The following CTNNA3 variants were observed in gnomAD, a reference collection of about 807,000 sequenced individuals.
CTNNA3 encodes catenin alpha-3.
CTNNA3 carries 76 observed loss-of-function variants against 95.7 expected under a neutral mutation model. The ratio of observed to expected loss-of-function variants is 0.79; its 90% CI spans 0.66 to 0.96. The LOEUF is 0.96. Among genes scored for constraint, CTNNA3 ranks in the 40% least tolerant of loss-of-function variants. The pLI is 0.00. For missense variants in CTNNA3, 1,191 were observed against 1,089.8 expected (o/e 1.09, Z -1.31); for synonymous variants, 431 against 374.4 (o/e 1.15, Z -1.74).
At chr10:66,211,696 GC>G (rs2088165567) in intron 13 of CTNNA3, among the ~76,000 whole-genome samples, 1 of 152,130 alleles carries the variant, frequency 6.6e-6, no homozygotes, top group Admixed American at 6.5e-5. Context: ...AAACAGGCTG[GC>G]CCAAGAGGGC....
intron 5 of CTNNA3, among the ~76,000 whole-genome samples, chr10:67,288,996 A>T (rs541311209): frequency 6.6e-6 from 1 of 152,270 alleles, no homozygotes; most frequent in Admixed American, 6.5e-5. Flanking sequence ...TGATTTACAA[A>T]TTTTTTATCA....
intron 13 of CTNNA3, among the ~76,000 whole-genome samples, chr10:66,148,326 T>C (rs1464032317): frequency 1.3e-5 from 2 of 152,266 alleles, no homozygotes; most frequent in Admixed American, 1.3e-4. Flanking sequence ...ACCACAAAAA[T>C]GTTGCACAAA....
At chr10:66,266,596 C>T (rs2091164747) in intron 13 of CTNNA3, among the ~76,000 whole-genome samples, 1 of 151,988 alleles carries the variant, frequency 6.6e-6, no homozygotes, top group Non-Finnish European at 1.5e-5. Flanking sequence ...CTCAATGAGT[C>T]CCTGAAACTG....
intron 11 of CTNNA3, among the ~76,000 whole-genome samples, chr10:66,512,792 T>G (rs1184981464): frequency 6.6e-6 from 1 of 152,096 alleles, no homozygotes; most frequent in African/African-American, 2.4e-5. Flanking sequence ...TAGTTGAAAG[T>G]TTTTTCTTTT....
intron 1 of CTNNA3, among the ~76,000 whole-genome samples, chr10:67,648,560 G>C (rs950752448): frequency 2.6e-5 from 4 of 151,994 alleles, no homozygotes; most frequent in Non-Finnish European, 5.9e-5. Flanking sequence ...CCACTTACAG[G>C]GTGGCTACAA....
chr10:67,468,235 A>G (rs1374480841), intron 5 of CTNNA3, among the ~76,000 whole-genome samples: 1 of 151,846 alleles, frequency 6.6e-6, no homozygotes, highest in African/African-American at 2.4e-5. Context: ...TAGGTTAATA[A>G]AGTAGGGAAT....
intron 11 of CTNNA3, among the ~76,000 whole-genome samples, chr10:66,454,272 G>C (rs1483888121): frequency 6.6e-6 from 1 of 152,106 alleles, no homozygotes; most frequent in Non-Finnish European, 1.5e-5. Flanking sequence ...AAACAACTAA[G>C]ACTGTAACTT....
At chr10:67,253,026 T>A (rs1210976977) in intron 5 of CTNNA3, among the ~76,000 whole-genome samples, 1 of 152,212 alleles carries the variant, frequency 6.6e-6, no homozygotes, top group African/African-American at 2.4e-5. Flanking sequence ...TTTTCCTTAC[T>A]AATTCAAGAA....
intron 4 of CTNNA3, among the ~76,000 whole-genome samples, chr10:67,532,772 G>A (rs553552694): frequency 2.0e-5 from 3 of 152,184 alleles, no homozygotes; most frequent in Non-Finnish European, 4.4e-5. Flanking sequence ...AGTAATTTAT[G>A]TCATATATCA....
At chr10:66,435,973 A>G (rs1380432375) in intron 11 of CTNNA3, among the ~76,000 whole-genome samples, 1 of 152,152 alleles carries the variant, frequency 6.6e-6, no homozygotes, top group African/African-American at 2.4e-5. Context: ...GTTTCCATGT[A>G]GTTGTGCGGT....
At chr10:67,575,888 C>T (rs1842126222) in intron 3 of CTNNA3, among the ~76,000 whole-genome samples, 1 of 152,086 alleles carries the variant, frequency 6.6e-6, no homozygotes, top group South Asian at 2.1e-4. Context: ...TGGAGAAAGA[C>T]TTGATTAAAA....
At chr10:66,271,005 G>C (rs1054151793) in intron 13 of CTNNA3, among the ~76,000 whole-genome samples, 2 of 152,092 alleles carry the variant, frequency 1.3e-5, no homozygotes, top group Non-Finnish European at 2.9e-5. Context: ...GAGTCTAAAG[G>C]CTCCCATGGT....
intron 9 of CTNNA3, among the ~76,000 whole-genome samples, chr10:66,659,956 A>G (rs1846203435): frequency 6.6e-6 from 1 of 152,074 alleles, no homozygotes; most frequent in Non-Finnish European, 1.5e-5. Flanking sequence ...GAGTCAAAAT[A>G]TCATTATGAC....
intron 11 of CTNNA3, among the ~76,000 whole-genome samples, chr10:66,487,422 C>T (rs1051953265): frequency 6.6e-5 from 10 of 151,606 alleles, no homozygotes; most frequent in Admixed American, 2.0e-4. Context: ...AGGATGGTCT[C>T]GATCTCCTGA....
chr10:66,161,697 T>C (rs1018619090), intron 13 of CTNNA3, among the ~76,000 whole-genome samples: 1 of 152,242 alleles, frequency 6.6e-6, no homozygotes, highest in Non-Finnish European at 1.5e-5. Context: ...CTTTTTACGA[T>C]GAATTTCTCA....
At chr10:67,723,677 G>A (rs1841192606) in intron 1 of CTNNA3, among the ~76,000 whole-genome samples, 1 of 152,040 alleles carries the variant, frequency 6.6e-6, no homozygotes, top group South Asian at 2.1e-4. Context: ...ATGCTTTTTG[G>A]TCCACTTTCA....
At chr10:67,695,433 C>G (rs937911521) in intron 1 of CTNNA3, among the ~76,000 whole-genome samples, 1 of 151,878 alleles carries the variant, frequency 6.6e-6, no homozygotes, top group Non-Finnish European at 1.5e-5. Context: ...TCATTCCATA[C>G]AGTGATTTTC....
At chr10:67,747,660 A>G (rs560856665) in intron 1 of CTNNA3, among the ~76,000 whole-genome samples, 1 of 152,340 alleles carries the variant, frequency 6.6e-6, no homozygotes, top group Non-Finnish European at 1.5e-5. Flanking sequence ...GAAAGAATCA[A>G]CGAAAAAACG....
At chr10:66,170,675 T>A (rs10509248) in intron 13 of CTNNA3, among the ~76,000 whole-genome samples, 26,474 of 150,750 alleles carry the variant, frequency 0.18, 2,516 homozygotes, top group Admixed American at 0.25. Flanking sequence ...ATAAAAGGCT[T>A]AGTCTAGTTA....
Sources: allele counts gnomAD v4.1 joint callset (sites outside exome capture counted in the v4.1 genomes callset), GRCh38; gene constraint gnomAD v4.1.1; transcripts MANE v1.5; gene names NCBI Gene and HGNC (gene_info 2026-07-23, HGNC 2026-07-21).